Variants in ERFL observed in about 807,000 individuals in gnomAD.
ERFL encodes the protein ETS domain-containing transcription factor ERF-like.
ERFL carries 8 observed loss-of-function variants against 27.9 expected under a neutral mutation model. That is an observed-to-expected ratio of 0.29 (90% confidence interval 0.17 to 0.52). The LOEUF (loss-of-function observed/expected upper bound fraction) is 0.52, where lower values mean the gene tolerates loss of function less well. Ranked by LOEUF, ERFL falls within the 20% of genes least tolerant of loss-of-function variation. The probability of loss-of-function intolerance (pLI) is 0.97; values close to 1 mark genes in which losing one functional copy is unlikely to be tolerated. For missense variants in ERFL, 294 were observed against 444.4 expected, an observed-to-expected ratio of 0.66 and a Z score of 3.04; for synonymous variants, 174 against 202.8, an observed-to-expected ratio of 0.86 and a Z score of 1.21.
Position 41,917,649 on chromosome 19 carries a change from C to T in ERFL, c.-13-4717G>A, listed in dbSNP as rs1261975412. Among the ~76,000 whole-genome samples, 2 of 151,964 alleles carry T rather than the reference C, an allele frequency of 1.3e-5. No homozygotes were observed. Among genetic ancestry groups the T allele is most frequent in the Admixed American group, 1.3e-4 (2 of 15,258 alleles). ...CACACACCATGCCCCAAAGCACACG[C>T]ACGCACGCACACACACACCCTGACT... On this transcript the variant is annotated intron_variant, in intron 1 of 5. Transcript: ENST00000597630. This position sits in a 1 kb window ranked among gnomAD's most constrained non-coding sequence, Gnocchi z 4.8.
chr19:41,908,687 C>G lies in ERFL; in HGVS notation c.617-11G>C, dbSNP rs1269323029. The stretch of plus-strand genomic sequence containing the variant: ...AATAGCTGGTGGCACCTGGGGGGCA[C>G]AGGGGTAGGTCAGGCTGGGGCACCT... On this transcript the variant is annotated splice_polypyrimidine_tract_variant and intron_variant, in intron 5 of 5. Transcript: ENST00000597630. This position sits in a 1 kb window ranked among gnomAD's most constrained non-coding sequence, Gnocchi z 6.7. The G allele has an allele frequency of 1.6e-6, 2 of 1,228,572 alleles. No individual in the cohort carries two copies. The highest frequency in any genetic ancestry group is 8.3e-5 in the South Asian group (2 of 24,222). The allele number at this position is 1,228,572 out of a possible 1,614,324, so 76.1% of individuals were successfully genotyped here.
chr19:41,923,114 G>A (rs1407161903), intron 1 of ERFL: 3 of 456,210 alleles, frequency 6.6e-6, no homozygotes, highest in Non-Finnish European at 1.3e-5. Flanking sequence ...ACCACCACCT[G>A]TGAGGTAGGA....
intron 1 of ERFL, among the ~76,000 whole-genome samples, chr19:41,926,470 C>T (rs1157776523): frequency 6.6e-6 from 1 of 152,072 alleles, no homozygotes; most frequent in Non-Finnish European, 1.5e-5. Flanking sequence ...TTACCTGAGG[C>T]CACAGGTGGG....
At chr19:41,918,615 C>G (rs1002849705) in intron 1 of ERFL, among the ~76,000 whole-genome samples, 2 of 148,262 alleles carry the variant, frequency 1.3e-5, no homozygotes, top group African/African-American at 5.1e-5. Flanking sequence ...ACAAACCACA[C>G]ACACCACATC....
At chr19:41,923,610 T>G (rs1599680681) in intron 1 of ERFL, among the ~76,000 whole-genome samples, 2 of 117,182 alleles carry the variant, frequency 1.7e-5, no homozygotes, top group Admixed American at 1.0e-4. Flanking sequence ...AGAAAGGAAA[T>G]GAAAGTGAGG....
Position 41,908,706 on chromosome 19 carries a change from G to T in ERFL, c.617-30C>A. 2 of 1,170,042 alleles carry T rather than the reference G, an allele frequency of 1.7e-6. No homozygotes were observed. The highest frequency in any genetic ancestry group is 2.1e-6 in the Non-Finnish European group (2 of 931,634). 72.5% of individuals were successfully genotyped at this position (1,170,042 alleles called of 1,614,324 possible). A position where few individuals can be genotyped will look rare whatever the true frequency, so the allele number is the denominator to read the frequency against. On this transcript the variant is annotated intron_variant, in intron 5 of 5. Coordinates refer to ENST00000597630, the MANE Select transcript of ERFL (RefSeq NM_001365103.2). This position sits in a 1 kb window ranked among gnomAD's most constrained non-coding sequence, Gnocchi z 6.7. Reference sequence around the variant, plus strand: ...GGGGCACAGGGGTAGGTCAGGCTGGGGCACCTGCCTGCCTGGGGACCAGTA... The same window carrying T: ...GGGGCACAGGGGTAGGTCAGGCTGGTGCACCTGCCTGCCTGGGGACCAGTA...
rs182096830 is a variant in ERFL at position 41,909,492 on chromosome 19, T to G, written c.303-21A>C. The G allele has an allele frequency of 6.9e-3, 8,582 of 1,251,504 alleles. 37 individuals carry two copies. Among genetic ancestry groups the G allele is most frequent in the Non-Finnish European group, 8.0e-3 (7,957 of 999,362 alleles). 77.5% of individuals were successfully genotyped at this position (1,251,504 alleles called of 1,614,324 possible). ...AGTAACTGTGGGGAGAGTGGTGGTG[T>G]TGGGGAGGTGCAGGGGGAGCCCTGG... is the stretch of plus-strand genomic sequence containing the variant. On this transcript the variant is annotated intron_variant, in intron 3 of 5. Coordinates refer to ENST00000597630, the MANE Select transcript of ERFL (RefSeq NM_001365103.2). The surrounding 1 kb of genome is among the most constrained non-coding windows in gnomAD (Gnocchi z 5.2).
intron 2 of ERFL, among the ~76,000 whole-genome samples, chr19:41,911,222 C>T (rs2074749636): frequency 6.6e-6 from 1 of 152,170 alleles, no homozygotes; most frequent in Non-Finnish European, 1.5e-5. Flanking sequence ...AGGAGCTGGG[C>T]ACCCCGAAAT....
chr19:41,909,236 C>A lies in ERFL; in HGVS notation c.498+40G>T. The A allele has an allele frequency of 8.1e-7, 1 of 1,231,696 alleles. No individual in the cohort carries two copies. The highest frequency in any genetic ancestry group is 1.0e-6 in the Non-Finnish European group (1 of 987,868). The allele number at this position is 1,231,696 out of a possible 1,614,324, so 76.3% of individuals were successfully genotyped here. A position where few individuals can be genotyped will look rare whatever the true frequency, so the allele number is the denominator to read the frequency against. ...GACTGTCCCCTCCCCAGAGTGGGCACCAAGTGCCTCGGTTCCAGGACCCCA... is the reference window on the plus strand; with the variant it reads ...GACTGTCCCCTCCCCAGAGTGGGCAACAAGTGCCTCGGTTCCAGGACCCCA... On this transcript the variant is annotated intron_variant, in intron 4 of 5. Transcript: ENST00000597630. The surrounding 1 kb of genome is among the most constrained non-coding windows in gnomAD (Gnocchi z 5.2).
chr19:41,909,680 C>T lies in ERFL; in HGVS notation c.302+183G>A, dbSNP rs2074741536. 6.6e-6 allele frequency among the ~76,000 whole-genome samples: 1 copy of T among 152,106 alleles called. No homozygotes were observed. The highest frequency in any genetic ancestry group is 2.4e-5 in the African/African-American group (1 of 41,424). On this transcript the variant is annotated intron_variant, in intron 3 of 5. Transcript: ENST00000597630. The surrounding 1 kb of genome is among the most constrained non-coding windows in gnomAD (Gnocchi z 5.2). ...ACCCTGCCCTGCAAGACTCCAAAGC[C>T]CAGGTTTAGGGGTCCCTCCTCCTCG...
At chr19:41,918,154 G>A (rs1384086392) in intron 1 of ERFL, among the ~76,000 whole-genome samples, 1 of 151,782 alleles carries the variant, frequency 6.6e-6, no homozygotes, top group Non-Finnish European at 1.5e-5. Context: ...GCCTGACCCT[G>A]GTTGGGGGTG....
Position 41,910,236 on chromosome 19 carries a change from C to CA in ERFL, c.68-140dup, listed in dbSNP as rs2074744480. 2.4e-6 allele frequency: 2 copies of CA among 821,758 alleles called. No homozygotes were observed. The highest frequency in any genetic ancestry group is 5.8e-5 in the Admixed American group (2 of 34,680). 50.9% of individuals were successfully genotyped at this position (821,758 alleles called of 1,614,324 possible). On this transcript the variant is annotated intron_variant, in intron 2 of 5. Transcript: ENST00000597630. The surrounding 1 kb of genome is among the most constrained non-coding windows in gnomAD (Gnocchi z 4.4). ...CTTTAGGGACCTGGTTTCCACACTC[C>CA]AAACCTCCTCCCTTTGTGTCTGGTC...
intron 1 of ERFL, among the ~76,000 whole-genome samples, chr19:41,927,228 C>G (rs2074876856): frequency 6.6e-6 from 1 of 151,986 alleles, no homozygotes; most frequent in South Asian, 2.1e-4. Context: ...CCAGCAGGGC[C>G]CTGCGACAGT....
In ERFL at chr19:41,917,541, A is replaced by T. The variant is rs578171271; in HGVS notation, c.-13-4609T>A. On this transcript the variant is annotated intron_variant, in intron 1 of 5. Transcript: ENST00000597630. This position sits in a 1 kb window ranked among gnomAD's most constrained non-coding sequence, Gnocchi z 4.8. ...CGGAATGAAAATTGATTTTTTTTTTAAATTTCATATCTTCTCCGGGGCTCT... is the reference window on the plus strand; with the variant it reads ...CGGAATGAAAATTGATTTTTTTTTTTAATTTCATATCTTCTCCGGGGCTCT... 3.3e-4 allele frequency among the ~76,000 whole-genome samples: 43 copies of T among 128,556 alleles called. No individual in the cohort carries two copies. Among genetic ancestry groups the T allele is most frequent in the East Asian group, 3.1e-3 (13 of 4,208 alleles). 84.3% of individuals were successfully genotyped at this position (128,556 alleles called of 152,430 possible).
Position 41,921,275 on chromosome 19 carries a change from A to C in ERFL, c.-14+6765T>G, listed in dbSNP as rs1162884498. 7.9e-5 allele frequency among the ~76,000 whole-genome samples: 12 copies of C among 151,994 alleles called. No individual in the cohort carries two copies. Among genetic ancestry groups the C allele is most frequent in the Non-Finnish European group, 1.5e-4 (10 of 67,996 alleles). ...GGGTGGGGGGCACAGAGAAGGGGAG[A>C]CATGCAGGGAGGAAGAGAGACCGAG... On this transcript the variant is annotated intron_variant, in intron 1 of 5. Transcript: ENST00000597630. The surrounding 1 kb of genome is among the most constrained non-coding windows in gnomAD (Gnocchi z 4.4).
In ERFL at chr19:41,909,817, T is replaced by G; in HGVS notation, c.302+46A>C. 4.6e-6 allele frequency: 7 copies of G among 1,532,606 alleles called. No individual in the cohort carries two copies. Among genetic ancestry groups the G allele is most frequent in the Non-Finnish European group, 6.2e-6 (7 of 1,136,606 alleles). 94.9% of individuals were successfully genotyped at this position (1,532,606 alleles called of 1,614,324 possible). ...GCAGAGGGGGCACCAGAGGGACAGT[T>G]GGGGGAAAAGGACAAGGTGGGATCC... On this transcript the variant is annotated intron_variant, in intron 3 of 5. Transcript: ENST00000597630. The surrounding 1 kb of genome is among the most constrained non-coding windows in gnomAD (Gnocchi z 5.2).
rs1457056047 is a variant in ERFL at position 41,921,834 on chromosome 19, T to TC, written c.-14+6205dup. Among the ~76,000 whole-genome samples the TC allele has an allele frequency of 6.6e-6, 1 of 151,680 alleles. No individual in the cohort carries two copies. Among genetic ancestry groups the TC allele is most frequent in the Non-Finnish European group, 1.5e-5 (1 of 67,906 alleles). On this transcript the variant is annotated intron_variant, in intron 1 of 5. Transcript: ENST00000597630. This position sits in a 1 kb window ranked among gnomAD's most constrained non-coding sequence, Gnocchi z 4.4. ...CTTCTTCAGTCCTAGGAGGTTGGTG[T>TC]CCCCTGGGAGTCCGACCCATCCCAG...
rs2074745503 is a variant in ERFL, at chr19:41,910,462, C to T, written c.68-365G>A. Among the ~76,000 whole-genome samples the T allele has an allele frequency of 6.6e-6, 1 of 152,048 alleles. No homozygotes were observed. The highest frequency in any genetic ancestry group is 6.5e-5 in the Admixed American group (1 of 15,270). On this transcript the variant is annotated intron_variant, in intron 2 of 5. Coordinates refer to ENST00000597630, the MANE Select transcript of ERFL (RefSeq NM_001365103.2). The surrounding 1 kb of genome is among the most constrained non-coding windows in gnomAD (Gnocchi z 4.4). ...CCAACAGCGTTAGTCCTCTCACTGC[C>T]CCCAGCCAGCCCTAGGAGGTCTCTA...
intron 1 of ERFL, among the ~76,000 whole-genome samples, chr19:41,914,091 T>G (rs1322549936): frequency 1.1e-5 from 1 of 87,450 alleles, no homozygotes; most frequent in African/African-American, 4.6e-5. Context: ...CCCTGGACAC[T>G]GGACAAAACT....
Sources: gnomAD v4.1 joint callset for allele counts (sites outside exome capture counted in the v4.1 genomes callset) on GRCh38, gnomAD v4.1.1 for gene constraint, Gnocchi (gnomAD v3.1) non-coding constraint, MANE v1.5 for transcripts, NCBI Gene and HGNC (gene_info 2026-07-23, HGNC 2026-07-21) for gene names.